RNF150: variants seen among roughly 807,000 people sequenced by gnomAD.
RNF150 encodes ring finger protein 150.
A neutral mutation model predicts 39.3 loss-of-function variants in RNF150; 24 were observed. The observed-to-expected ratio is 0.61, with a 90% CI of 0.44 to 0.86. The LOEUF (loss-of-function observed/expected upper bound fraction) is 0.86. RNF150 is among the 40% of genes least tolerant of loss of function. The probability of loss-of-function intolerance (pLI) is 0.00; values close to 1 mark genes in which losing one functional copy is unlikely to be tolerated. For missense variants in RNF150, 502 were observed against 587.8 expected, an observed-to-expected ratio of 0.85 and a Z score of 1.51; for synonymous variants, 255 against 227.3, an observed-to-expected ratio of 1.12 and a Z score of -1.10.
intron 6 of RNF150, among the ~76,000 whole-genome samples, chr4:140,876,973 T>C (rs1417256377): frequency 1.3e-5 from 2 of 152,204 alleles, no homozygotes; most frequent in African/African-American, 4.8e-5. Flanking sequence ...TTTCTCACCT[T>C]TCAGATGGGG....
At chr4:141,199,467 G>A (rs1728254823) in intron 1 of RNF150, among the ~76,000 whole-genome samples, 1 of 152,172 alleles carries the variant, frequency 6.6e-6, no homozygotes, top group South Asian at 2.1e-4. Context: ...TTCAACTGAT[G>A]ACTGGATAAT....
intron 1 of RNF150, among the ~76,000 whole-genome samples, chr4:141,161,868 T>A (rs1727517945): frequency 6.6e-6 from 1 of 152,220 alleles, no homozygotes; most frequent in South Asian, 2.1e-4. Context: ...TGGGAGCCTC[T>A]GCCTGTATTT....
intron 1 of RNF150, among the ~76,000 whole-genome samples, chr4:141,092,835 G>A (rs1184581232): frequency 6.6e-6 from 1 of 151,278 alleles, no homozygotes; most frequent in Non-Finnish European, 1.5e-5. Flanking sequence ...TATACTAGAT[G>A]GGAAAAGAAA....
chr4:140,988,378 A>C (rs1734079454), intron 1 of RNF150, among the ~76,000 whole-genome samples: 1 of 152,184 alleles, frequency 6.6e-6, no homozygotes, highest in Admixed American at 6.6e-5. Context: ...AGATTGAATA[A>C]AGAAAATGTG....
intron 1 of RNF150, among the ~76,000 whole-genome samples, chr4:140,997,703 T>C (rs560659268): frequency 2.0e-5 from 3 of 147,096 alleles, no homozygotes; most frequent in South Asian, 2.2e-4. Context: ...TGTGTATATA[T>C]ACACACACAT....
Position 141,094,590 on chromosome 4 carries a change from C to T in RNF150, c.484+37735G>A, listed in dbSNP as rs528663528. ...CACTTTTAAAATAGTAAAAATAACACTTTACCATGCTTAGCTTGGGGCTGT... is the reference window on the plus strand; with the variant it reads ...CACTTTTAAAATAGTAAAAATAACATTTTACCATGCTTAGCTTGGGGCTGT... On this transcript the variant is annotated intron_variant, in intron 1 of 6. Coordinates refer to ENST00000515673, the MANE Select transcript of RNF150 (RefSeq NM_020724.2). Among the ~76,000 whole-genome samples the T allele has an allele frequency of 7.7e-4, 117 of 152,354 alleles. 1 individual carries two copies. The highest frequency in any genetic ancestry group is 2.7e-3 in the African/African-American group (111 of 41,586).
chr4:140,894,432 A>G (rs1729865790), intron 6 of RNF150, among the ~76,000 whole-genome samples: 1 of 152,160 alleles, frequency 6.6e-6, no homozygotes, highest in African/African-American at 2.4e-5. Context: ...CATGTGGCTC[A>G]CGTAGTTTCT....
chr4:140,991,509 CTT>C (rs1160921558), intron 1 of RNF150, among the ~76,000 whole-genome samples: 1 of 152,040 alleles, frequency 6.6e-6, no homozygotes, highest in Non-Finnish European at 1.5e-5. Context: ...TTTAATCTAT[CTT>C]GAGTTAATTT....
intron 3 of RNF150, among the ~76,000 whole-genome samples, chr4:140,948,114 C>G (rs1211828401): frequency 6.6e-6 from 1 of 152,082 alleles, no homozygotes; most frequent in Non-Finnish European, 1.5e-5. Flanking sequence ...AATATTAACA[C>G]ACAATGGTAG....
chr4:141,190,892 AG>A (rs1421342403), intron 1 of RNF150, among the ~76,000 whole-genome samples: 2 of 152,180 alleles, frequency 1.3e-5, no homozygotes, highest in African/African-American at 4.8e-5. Context: ...TAGAGTGAAA[AG>A]TTTAAAATTG....
upstream of RNF150, among the ~76,000 whole-genome samples, chr4:141,136,618 G>C (rs559173581): frequency 6.6e-6 from 1 of 152,306 alleles, no homozygotes; most frequent in East Asian, 1.9e-4. Context: ...TACTGTTGTA[G>C]ATAAAAACAT....
chr4:141,078,156 C>T (rs1737969544), intron 1 of RNF150, among the ~76,000 whole-genome samples: 1 of 152,094 alleles, frequency 6.6e-6, no homozygotes, highest in South Asian at 2.1e-4. Context: ...GGGAATTTAT[C>T]CTTGTCCAAA....
chr4:140,899,075 A>G (rs1002860225), intron 6 of RNF150, among the ~76,000 whole-genome samples: 1 of 152,114 alleles, frequency 6.6e-6, no homozygotes, highest in African/African-American at 2.4e-5. Flanking sequence ...GTTTCCCTGT[A>G]TGATTTTACT....
chr4:140,872,357 TTA>T (rs1222102083), intron 6 of RNF150, among the ~76,000 whole-genome samples: 1 of 152,220 alleles, frequency 6.6e-6, no homozygotes, highest in East Asian at 1.9e-4. Flanking sequence ...TTATTCCAGT[TTA>T]TAGATGAAAA....
intron 2 of RNF150, among the ~76,000 whole-genome samples, chr4:140,967,374 T>A (rs987280029): frequency 1.3e-5 from 2 of 152,088 alleles, no homozygotes; most frequent in Non-Finnish European, 2.9e-5. Flanking sequence ...ATTATGTGGA[T>A]AAACAAATGT....
At chr4:141,056,794 G>A (rs551582302) in intron 1 of RNF150, among the ~76,000 whole-genome samples, 203 of 152,000 alleles carry the variant, frequency 1.3e-3, no homozygotes, top group African/African-American at 4.6e-3. Flanking sequence ...AGAGAATCAC[G>A]GCTTATTAAT....
intron 1 of RNF150, among the ~76,000 whole-genome samples, chr4:141,000,387 C>T (rs1235589806): frequency 7.9e-5 from 12 of 152,126 alleles, no homozygotes; most frequent in Admixed American, 7.9e-4. Flanking sequence ...GAAAATTCCT[C>T]AGTAAAGTTT....
intron 1 of RNF150, among the ~76,000 whole-genome samples, chr4:141,193,247 T>TA (rs1171547459): frequency 3.9e-5 from 6 of 152,250 alleles, no homozygotes; most frequent in African/African-American, 9.6e-5. Flanking sequence ...AAGCATTCAA[T>TA]AAATGTTTGC....
At chr4:140,898,837 A>G (rs760700265) in intron 6 of RNF150, among the ~76,000 whole-genome samples, 2 of 152,180 alleles carry the variant, frequency 1.3e-5, no homozygotes, top group Non-Finnish European at 2.9e-5. Flanking sequence ...AATTCATTCC[A>G]CTGTTCTTGT....
Sources: allele counts gnomAD v4.1 joint callset (sites outside exome capture counted in the v4.1 genomes callset), GRCh38; gene constraint gnomAD v4.1.1; transcripts MANE v1.5; gene names NCBI Gene and HGNC (gene_info 2026-07-23, HGNC 2026-07-21).